FRMPD3: variants seen among roughly 807,000 people sequenced by gnomAD.
The protein encoded by FRMPD3 is FERM and PDZ domain-containing protein 3.
FRMPD3 carries 42 observed loss-of-function variants against 97.9 expected under a neutral mutation model. That is an observed-to-expected ratio of 0.43 (90% CI 0.34 to 0.55). FRMPD3 has a LOEUF of 0.55. FRMPD3 is among the 20% of genes least tolerant of loss of function. FRMPD3 has a pLI of 0.03. For synonymous variants in FRMPD3, 577 were observed against 581.1 expected, an observed-to-expected ratio of 0.99 and a Z score of 0.10; for missense variants, 1,303 against 1,457.7, an observed-to-expected ratio of 0.89 and a Z score of 1.73.
At chrX:107,569,038 T>TA (rs1185427210) in intron 12 of FRMPD3, among the ~76,000 whole-genome samples, 1 of 111,509 alleles carries the variant, frequency 9.0e-6, no homozygotes, top group Non-Finnish European at 1.9e-5. Context: ...CTAATGCCTG[T>TA]AATCCCAGCA....
chrX:107,527,037 C>CA (rs56244682), intron 2 of FRMPD3, among the ~76,000 whole-genome samples: 229 of 105,799 alleles, frequency 2.2e-3, no homozygotes, highest in African/African-American at 6.6e-3. Flanking sequence ...TAATGTCTTG[C>CA]AAAAAAAAAA....
chrX:107,566,408 GA>G (rs1204918169), intron 12 of FRMPD3, among the ~76,000 whole-genome samples: 1 of 112,580 alleles, frequency 8.9e-6, no homozygotes, highest in Non-Finnish European at 1.9e-5. Flanking sequence ...AACTGGCTTG[GA>G]GCCGATGTTT....
At chrX:107,557,814 T>TAG (rs1922160302) in intron 8 of FRMPD3, among the ~76,000 whole-genome samples, 1 of 75,566 alleles carries the variant, frequency 1.3e-5, no homozygotes, top group Non-Finnish European at 2.5e-5. Context: ...TATATATATA[T>TAG]ATATATATAT....
chrX:107,459,367 C>A (rs754700559), intron 1 of FRMPD3, among the ~76,000 whole-genome samples: 1 of 112,446 alleles, frequency 8.9e-6, no homozygotes, highest in African/African-American at 3.2e-5. Flanking sequence ...GAAGGTCACA[C>A]CTGTGCCAGA....
intron 14 of FRMPD3, 71 bp from the exon 15 acceptor site, chrX:107,600,232 G>T: frequency 4.5e-6 from 5 of 1,111,676 alleles, no homozygotes; most frequent in Non-Finnish European, 4.7e-6. Flanking sequence ...GAATACCGAG[G>T]GACAACCGTG....
intron 1 of FRMPD3, among the ~76,000 whole-genome samples, chrX:107,490,182 G>T (rs1921620658): frequency 8.9e-6 from 1 of 111,881 alleles, no homozygotes; most frequent in African/African-American, 3.3e-5. Context: ...GCTCTGTTCT[G>T]TTCCATTGAT....
intron 1 of FRMPD3, among the ~76,000 whole-genome samples, chrX:107,456,177 C>T (rs990147894): frequency 1.8e-5 from 2 of 109,978 alleles, no homozygotes; most frequent in African/African-American, 6.6e-5. Context: ...GATCCTCCCA[C>T]CTTAGCCTCT....
At position 107,586,455 on chromosome X, in the gene FRMPD3, C is replaced by T. The variant is rs369840195; in HGVS notation, c.1441+9996C>T. On this transcript the variant is annotated intron_variant, in intron 13 of 14. Transcript: ENST00000683843. ...TGTGTTTCTATATCCTTCAATTCTG[C>T]TCTGATCTTAGTTATTTCTTGTCTT... 7.4e-5 allele frequency among the ~76,000 whole-genome samples: 8 copies of T among 107,807 alleles called. No homozygotes were observed. The East Asian group carries it at 2.0e-3, about 27-fold the overall frequency. The allele number at this position is 107,807 out of a possible 115,157, so 93.6% of individuals were successfully genotyped here.
At chrX:107,570,056 GAGAA>G (rs1569424681) in intron 12 of FRMPD3, among the ~76,000 whole-genome samples, 5 of 96,379 alleles carry the variant, frequency 5.2e-5, no homozygotes. Flanking sequence ...AAGAAAGAAA[GAGAA>G]AAGAAAAGAA....
intron 8 of FRMPD3, among the ~76,000 whole-genome samples, chrX:107,556,347 A>G (rs912161181): frequency 9.0e-6 from 1 of 110,516 alleles, no homozygotes; most frequent in Non-Finnish European, 1.9e-5. Context: ...CAAGCTTCCA[A>G]GGATTACCTT....
At chrX:107,505,455 T>A (rs1313655434) in intron 1 of FRMPD3, among the ~76,000 whole-genome samples, 3 of 111,936 alleles carry the variant, frequency 2.7e-5, no homozygotes, top group African/African-American at 9.8e-5. Context: ...TAGCGTAAAG[T>A]AGATGCTAGT....
intron 1 of FRMPD3, among the ~76,000 whole-genome samples, chrX:107,472,085 C>T (rs748475268): frequency 8.9e-6 from 1 of 112,209 alleles, no homozygotes; most frequent in Non-Finnish European, 1.9e-5. Flanking sequence ...TTGTTGGCCA[C>T]GTAAATGTCT....
chrX:107,598,471 G>A (rs1448387052), intron 14 of FRMPD3, among the ~76,000 whole-genome samples: 1 of 111,904 alleles, frequency 8.9e-6, no homozygotes, highest in Non-Finnish European at 1.9e-5. Context: ...TAGAAGACAG[G>A]TGAAGAACAG....
intron 1 of FRMPD3, chrX:107,522,546 C>G (rs1922543954): frequency 2.0e-6 from 1 of 489,749 alleles, no homozygotes; most frequent in Non-Finnish European, 3.6e-6. Flanking sequence ...GTGGCCCCAG[C>G]TGGGCCACCA....
At chrX:107,491,460 A>T (rs1357360213) in intron 1 of FRMPD3, among the ~76,000 whole-genome samples, 1 of 112,253 alleles carries the variant, frequency 8.9e-6, no homozygotes, top group Non-Finnish European at 1.9e-5. Flanking sequence ...GAGGTTTCAA[A>T]TGGTTAATTA....
intron 1 of FRMPD3, among the ~76,000 whole-genome samples, chrX:107,489,707 C>G (rs1373481091): frequency 6.2e-4 from 69 of 111,429 alleles, no homozygotes; most frequent in African/African-American, 1.8e-3. Flanking sequence ...TTGTAAATTT[C>G]TTTGAGTTCA....
At chrX:107,493,177 C>CAAAAAAAAAAAAAAA (rs60695168) in intron 1 of FRMPD3, among the ~76,000 whole-genome samples, 1 of 51,720 alleles carries the variant, frequency 1.9e-5, no homozygotes, top group African/African-American at 8.4e-5. Flanking sequence ...GAGACCCTGT[C>CAAAAAAAAAAAAAAA]AAAAAAAAAA....
At chrX:107,498,037 A>G (rs1396759140) in intron 1 of FRMPD3, among the ~76,000 whole-genome samples, 1 of 111,858 alleles carries the variant, frequency 8.9e-6, no homozygotes, top group Non-Finnish European at 1.9e-5. Context: ...TCACATTCTC[A>G]TAGTTGGAGG....
chrX:107,504,247 G>A (rs767201855), intron 1 of FRMPD3, among the ~76,000 whole-genome samples: 26 of 112,973 alleles, frequency 2.3e-4, no homozygotes, highest in African/African-American at 7.4e-4. Flanking sequence ...AAGGCCGGGT[G>A]CTTTCTGTTG....
Sources: allele counts gnomAD v4.1 joint callset (sites outside exome capture counted in the v4.1 genomes callset), GRCh38; gene constraint gnomAD v4.1.1; transcripts MANE v1.5; gene names NCBI Gene and HGNC (gene_info 2026-07-23, HGNC 2026-07-21).